The following COX15 variants were observed in gnomAD, a reference collection of about 807,000 sequenced individuals.
COX15 encodes the protein heme A synthase COX15.
COX15 carries 51 observed loss-of-function variants against 51.9 expected under a neutral mutation model. The ratio of observed to expected loss-of-function variants is 0.98; its 90% CI spans 0.78 to 1.24. The LOEUF (loss-of-function observed/expected upper bound fraction) is 1.24. Among genes scored for constraint, COX15 ranks in the 50% most tolerant of loss-of-function variants. COX15 has a pLI of 0.00. For synonymous variants in COX15, 188 were observed against 190.5 expected (o/e 0.99, Z 0.11); for missense variants, 420 against 501.1 (o/e 0.84, Z 1.55).
the COX15 span, among the ~76,000 whole-genome samples, chr10:99,703,144 A>C: frequency 6.6e-6 from 1 of 152,222 alleles, no homozygotes; most frequent in Admixed American, 6.5e-5. Context: ...CAGAATTAGA[A>C]TAAAGGACGT....
At position 99,731,960 on chromosome 10, in the gene COX15, C is replaced by G; in HGVS notation, c.90G>C (p.Gln30His). The G allele has an allele frequency of 6.2e-7, 1 of 1,609,286 alleles. No individual in the cohort carries two copies. Among genetic ancestry groups the G allele is most frequent in the Non-Finnish European group, 8.5e-7 (1 of 1,178,206 alleles). ...CTCGGAGTCCGCTGCAGTGCGGTAC[C>G]TGTGCTCTAGGCGCTGCCCTAGGAG... Reference protein sequence around the residue: ...LLAPRAAPRAQCDCIRRPLRP... With the variant: ...LLAPRAAPRAHCDCIRRPLRP... The change falls in exon 1 of 9, where the codon CAG (glutamine) becomes CAC (histidine). Residue 30 changes from glutamine (Q) to histidine (H), a missense_variant and splice_region_variant. Transcript: ENST00000016171.
At chr10:99,694,730 T>G in the COX15 span, among the ~76,000 whole-genome samples, 1 of 151,924 alleles carries the variant, frequency 6.6e-6, no homozygotes, top group African/African-American at 2.4e-5. Context: ...AGAGACGGAG[T>G]TTCACCATGT....
chr10:99,713,388 C>A lies in COX15; in HGVS notation c.*1199G>T. 1 of 1,613,812 alleles carries A rather than the reference C, an allele frequency of 6.2e-7. No homozygotes were observed. Among genetic ancestry groups the A allele is most frequent in the Non-Finnish European group, 8.5e-7 (1 of 1,179,946 alleles). On this transcript the variant is annotated 3_prime_UTR_variant, in exon 9 of 9. Coordinates refer to ENST00000016171, the MANE Select transcript of COX15 (RefSeq NM_078470.6). The stretch of plus-strand genomic sequence containing the variant: ...TTGCCACTGTCATCTATTATATTAG[C>A]AATATTGGGTTGCTCCATCCTCAAA...
chr10:99,716,198 T>C, intron 8 of COX15, 150 bp downstream of exon 8: 1 of 678,026 alleles, frequency 1.5e-6, no homozygotes, highest in South Asian at 1.4e-5. Flanking sequence ...TTTGCCATGT[T>C]GCCCAGGCTA....
chr10:99,713,811 A>C lies in COX15; in HGVS notation c.*776T>G. On this transcript the variant is annotated 3_prime_UTR_variant, in exon 9 of 9. Transcript: ENST00000016171. ...GTGGTGAAACCCCTTCTCTACTAAA[A>C]ATACAAAATTAGCCAGGCATGGTGA... The C allele has an allele frequency of 2.6e-6, 1 of 383,532 alleles. No individual in the cohort carries two copies. The allele number at this position is 383,532 out of a possible 1,614,324, so 23.8% of individuals were successfully genotyped here. A position where few individuals can be genotyped will look rare whatever the true frequency, so the allele number is the denominator to read the frequency against.
At position 99,721,078 on chromosome 10, in the gene COX15, A is replaced by G. The variant is rs777059123; in HGVS notation, c.751-10T>C. 1 of 1,603,640 alleles carries G rather than the reference A, an allele frequency of 6.2e-7. No homozygotes were observed. The highest frequency in any genetic ancestry group is 8.5e-7 in the Non-Finnish European group (1 of 1,173,364). On this transcript the variant is annotated splice_polypyrimidine_tract_variant and intron_variant, in intron 5 of 8. Transcript: ENST00000016171. ...GGTGGGTTTCAGGCAACTAAATATG[A>G]AAAAAAATCATTCAGTTAAACTGTG...
the COX15 span, chr10:99,698,973 G>C: frequency 1.0e-6 from 1 of 981,416 alleles, no homozygotes; most frequent in South Asian, 1.7e-5. Context: ...CTTGTTCTTT[G>C]CAGGAGCCCT....
chr10:99,698,668 G>GC, the COX15 span: 1 of 1,614,196 alleles, frequency 6.2e-7, no homozygotes, highest in Admixed American at 1.7e-5. Context: ...TGGGTGTCTT[G>GC]TGGGGCAATG....
the COX15 span, among the ~76,000 whole-genome samples, chr10:99,694,765 G>A: frequency 6.6e-6 from 1 of 152,050 alleles, no homozygotes; most frequent in Non-Finnish European, 1.5e-5. Context: ...TCGAACTCCT[G>A]GCCTCAAGTG....
At chr10:99,714,811 C>G in intron 8 of COX15, 93 bp from the exon 9 acceptor site, 1 of 1,597,160 alleles carries the variant, frequency 6.3e-7, no homozygotes, top group Admixed American at 1.7e-5. Context: ...CAAACCTCCA[C>G]ATCCTCCTAT....
At chr10:99,709,032 ACTACATCTATTCT>A, downstream of COX15, 11 of 984,054 alleles carry the variant, frequency 1.1e-5, no homozygotes, top group Non-Finnish European at 1.3e-5. Context: ...CCAAGTTTTC[ACTACATCTATTCT>A]TGTTCCTGTA....
downstream of COX15, chr10:99,710,837 A>C: frequency 1.0e-6 from 1 of 985,442 alleles, no homozygotes; most frequent in Non-Finnish European, 1.2e-6. Context: ...TGTCAGTCTA[A>C]GTTACAGACA....
chr10:99,707,287 T>G (rs920912705), downstream of COX15, among the ~76,000 whole-genome samples: 3 of 152,180 alleles, frequency 2.0e-5, no homozygotes, highest in Non-Finnish European at 4.4e-5. Context: ...TTTTGTCATA[T>G]CCCTCAGAAG....
chr10:99,713,353 CTG>C lies in COX15; in HGVS notation c.*1232_*1233del. The C allele has an allele frequency of 6.2e-7, 1 of 1,612,520 alleles. No individual in the cohort carries two copies. The highest frequency in any genetic ancestry group is 1.1e-5 in the South Asian group (1 of 91,066). On this transcript the variant is annotated 3_prime_UTR_variant, in exon 9 of 9. Coordinates refer to ENST00000016171, the MANE Select transcript of COX15 (RefSeq NM_078470.6). ...TCATCTCGATGGGGTCATTCTGGGACTGTTTTCAGTTGCCACTGTCATCTATT... is the reference window on the plus strand; with the variant it reads ...TCATCTCGATGGGGTCATTCTGGGACTTTTCAGTTGCCACTGTCATCTATT...
At chr10:99,702,039 A>G in the COX15 span, among the ~76,000 whole-genome samples, 1 of 151,690 alleles carries the variant, frequency 6.6e-6, no homozygotes, top group Non-Finnish European at 1.5e-5. Flanking sequence ...ACAGAGTGAG[A>G]CTCTGTCTCA....
At chr10:99,696,188 AC>A in the COX15 span, 2 of 1,562,006 alleles carry the variant, frequency 1.3e-6, no homozygotes, top group Non-Finnish European at 1.7e-6. Flanking sequence ...AGGGAGAAAT[AC>A]TCACATCCTC....
At chr10:99,717,935 T>C (rs2036627075) in intron 7 of COX15, among the ~76,000 whole-genome samples, 1 of 152,218 alleles carries the variant, frequency 6.6e-6, no homozygotes, top group Non-Finnish European at 1.5e-5. Flanking sequence ...CTGGTGAAGC[T>C]CCTGGCTCCT....
At chr10:99,728,313 C>T (rs543156358) in intron 2 of COX15, among the ~76,000 whole-genome samples, 4 of 152,302 alleles carry the variant, frequency 2.6e-5, no homozygotes, top group East Asian at 1.9e-4. Context: ...ATCATCACAA[C>T]GGACCGAAAC....
intron 4 of COX15, among the ~76,000 whole-genome samples, chr10:99,726,511 G>A (rs1263400228): frequency 2.0e-5 from 3 of 152,152 alleles, no homozygotes; most frequent in Non-Finnish European, 2.9e-5. Context: ...CAGAGCTGGG[G>A]CTTGAAGCTA....
Sources: allele counts gnomAD v4.1 joint callset (sites outside exome capture counted in the v4.1 genomes callset), GRCh38; gene constraint gnomAD v4.1.1; transcripts MANE v1.5; gene names NCBI Gene and HGNC (gene_info 2026-07-23, HGNC 2026-07-21).